The following LPP variants were observed in gnomAD, a reference collection of about 807,000 sequenced individuals.
The protein encoded by LPP is LIM domain containing preferred translocation partner in lipoma.
In LPP, 38 loss-of-function variants were observed where a neutral mutation model predicts 60.4. The ratio of observed to expected loss-of-function variants is 0.63; its 90% CI spans 0.49 to 0.83. The LOEUF is 0.83. Ranked by LOEUF, LPP falls within the 40% of genes least tolerant of loss-of-function variation. The pLI, the probability that LPP is intolerant of heterozygous loss-of-function variation, is 0.00. For missense variants in LPP, 902 were observed against 783.6 expected (o/e 1.15, Z -1.80); for synonymous variants, 328 against 290.8 (o/e 1.13, Z -1.30).
At chr3:188,665,118 A>C (rs1855478170) in intron 7 of LPP, among the ~76,000 whole-genome samples, 1 of 152,140 alleles carries the variant, frequency 6.6e-6, no homozygotes, top group Non-Finnish European at 1.5e-5. Context: ...GTATTGTTTT[A>C]TGTTTTCTGT....
At chr3:188,248,760 G>C (rs955947617) in intron 2 of LPP, among the ~76,000 whole-genome samples, 1 of 151,826 alleles carries the variant, frequency 6.6e-6, no homozygotes, top group Non-Finnish European at 1.5e-5. Flanking sequence ...TCTATATTTT[G>C]ACAAAGAAGA....
At chr3:188,565,184 G>A (rs1831832850) in intron 6 of LPP, among the ~76,000 whole-genome samples, 1 of 151,910 alleles carries the variant, frequency 6.6e-6, no homozygotes, top group African/African-American at 2.4e-5. Context: ...AGAATTACCT[G>A]TTACAAAACT....
chr3:188,527,964 T>C (rs1045583138), intron 6 of LPP, among the ~76,000 whole-genome samples: 2 of 152,154 alleles, frequency 1.3e-5, no homozygotes, highest in African/African-American at 2.4e-5. Context: ...AAATCCTCCA[T>C]GACACTGCAT....
At chr3:188,836,126 A>G (rs917914217) in intron 9 of LPP, among the ~76,000 whole-genome samples, 14 of 152,162 alleles carry the variant, frequency 9.2e-5, no homozygotes, top group Admixed American at 9.2e-4. Flanking sequence ...GGAAATGTTT[A>G]TTTTACTTTT....
chr3:188,462,407 AT>A (rs1280553397), intron 4 of LPP, among the ~76,000 whole-genome samples: 2 of 150,576 alleles, frequency 1.3e-5, no homozygotes, highest in Non-Finnish European at 3.0e-5. Context: ...TTTAAAAAAT[AT>A]TTTTAAATTG....
At chr3:188,734,538 A>G (rs901181852) in intron 8 of LPP, among the ~76,000 whole-genome samples, 1 of 152,206 alleles carries the variant, frequency 6.6e-6, no homozygotes, top group African/African-American at 2.4e-5. Context: ...CCAACTTCCA[A>G]TTCCTCAGGG....
At chr3:188,194,148 A>G (rs898913964) in intron 1 of LPP, among the ~76,000 whole-genome samples, 8 of 152,214 alleles carry the variant, frequency 5.3e-5, no homozygotes, top group African/African-American at 1.9e-4. Flanking sequence ...TCAGTTAGCC[A>G]TGGGCTATTG....
intron 9 of LPP, among the ~76,000 whole-genome samples, chr3:188,863,630 A>C (rs1039355143): frequency 6.6e-6 from 1 of 152,210 alleles, no homozygotes; most frequent in African/African-American, 2.4e-5. Context: ...TCGAAGGATA[A>C]CATGTCCTTC....
Position 188,613,609 on chromosome 3 carries a change from T to G in LPP, c.1113+3765T>G, listed in dbSNP as rs73888858. Among the ~76,000 whole-genome samples, 578 of 152,300 alleles carry G rather than the reference T, an allele frequency of 3.8e-3. 3 individuals carry two copies. The highest frequency in any genetic ancestry group is 0.014 in the African/African-American group (562 of 41,564). On this transcript the variant is annotated intron_variant, in intron 7 of 11. Coordinates refer to ENST00000617246, the MANE Select transcript of LPP (RefSeq NM_001375462.1). ...GTTAAATTCTGAAACCATCTACTAT[T>G]AAAATTTTCTTGGAAAATATTTCAG...
At chr3:188,236,195 G>A (rs540700856) in intron 2 of LPP, among the ~76,000 whole-genome samples, 10 of 152,192 alleles carry the variant, frequency 6.6e-5, no homozygotes, top group East Asian at 3.9e-4. Flanking sequence ...GGCAAAAGCC[G>A]CAATTACATT....
rs148498719 is a variant in LPP, at chr3:188,612,934, A to C, written c.1113+3090A>C. 7.4e-3 allele frequency among the ~76,000 whole-genome samples: 1,128 copies of C among 152,226 alleles called. 13 individuals carry two copies. Among genetic ancestry groups the C allele is most frequent in the African/African-American group, 0.025 (1,056 of 41,542 alleles). ...GGAAAGAAAAAATGAAAAGGAAAAA[A>C]TGAAGAAAGGAAAGAGGCAGAATGA... On this transcript the variant is annotated intron_variant, in intron 7 of 11. Coordinates refer to ENST00000617246, the MANE Select transcript of LPP (RefSeq NM_001375462.1).
chr3:188,707,331 G>A lies in LPP; in HGVS notation c.1114-936G>A, dbSNP rs76823759. On this transcript the variant is annotated intron_variant, in intron 7 of 11. Coordinates refer to ENST00000617246, the MANE Select transcript of LPP (RefSeq NM_001375462.1). ...GACAAAGGCCCCAGTGGCCCTGCATGTCCCATATGGGTACAGGGGATGAGG... is the reference window on the plus strand; with the variant it reads ...GACAAAGGCCCCAGTGGCCCTGCATATCCCATATGGGTACAGGGGATGAGG... Among the ~76,000 whole-genome samples the A allele has an allele frequency of 9.9e-3, 1,499 of 152,182 alleles. 46 individuals carry two copies. Among genetic ancestry groups the A allele is most frequent in the East Asian group, 0.078 (404 of 5,156 alleles).
At chr3:188,813,086 G>A (rs1751519965) in intron 9 of LPP, among the ~76,000 whole-genome samples, 1 of 152,098 alleles carries the variant, frequency 6.6e-6, no homozygotes, top group Non-Finnish European at 1.5e-5. Context: ...AGTTATTGCA[G>A]CAAATTTAGC....
At chr3:188,240,575 T>G (rs1293103467) in intron 2 of LPP, among the ~76,000 whole-genome samples, 1 of 152,198 alleles carries the variant, frequency 6.6e-6, no homozygotes, top group Admixed American at 6.5e-5. Flanking sequence ...TCAAACTCAT[T>G]CCACTGTTAT....
At chr3:188,667,861 C>T (rs565671958) in intron 7 of LPP, among the ~76,000 whole-genome samples, 1 of 151,428 alleles carries the variant, frequency 6.6e-6, no homozygotes, top group South Asian at 2.1e-4. Context: ...TTGTGCAGCT[C>T]CTTTTTCCAA....
intron 7 of LPP, among the ~76,000 whole-genome samples, chr3:188,702,191 C>G (rs1403624966): frequency 1.3e-5 from 2 of 151,956 alleles, no homozygotes; most frequent in African/African-American, 2.4e-5. Flanking sequence ...TTCCTGACCT[C>G]GTGATCCGCC....
chr3:188,402,264 G>A (rs909123768), intron 3 of LPP, among the ~76,000 whole-genome samples: 5 of 152,032 alleles, frequency 3.3e-5, no homozygotes, highest in Non-Finnish European at 5.9e-5. Context: ...AGAAAAAAAT[G>A]CTATAAAATG....
At chr3:188,204,517 C>T (rs1732608224) in intron 1 of LPP, among the ~76,000 whole-genome samples, 1 of 152,088 alleles carries the variant, frequency 6.6e-6, no homozygotes, top group African/African-American at 2.4e-5. Context: ...CAACTTTTTA[C>T]TTGAGTTTAT....
At chr3:188,509,898 T>C (rs1435214336) in intron 5 of LPP, among the ~76,000 whole-genome samples, 2 of 147,524 alleles carry the variant, frequency 1.4e-5, no homozygotes, top group South Asian at 2.2e-4. Context: ...TTTGCATCTT[T>C]AGTAGAGATG....
Sources: gnomAD v4.1 joint callset for allele counts (sites outside exome capture counted in the v4.1 genomes callset) on GRCh38, gnomAD v4.1.1 for gene constraint, MANE v1.5 for transcripts, NCBI Gene and HGNC (gene_info 2026-07-23, HGNC 2026-07-21) for gene names.